TUBA1A: variants seen among roughly 807,000 people sequenced by gnomAD.
TUBA1A encodes tubulin alpha-1A chain.
In TUBA1A, 7 loss-of-function variants were observed where a neutral mutation model predicts 34.6. The ratio of observed to expected loss-of-function variants is 0.20; its 90% CI spans 0.11 to 0.38. TUBA1A has a LOEUF of 0.38. Ranked by LOEUF, TUBA1A falls within the 10% of genes least tolerant of loss-of-function variation. The pLI is 1.00. For synonymous variants in TUBA1A, 193 were observed against 210.2 expected (o/e 0.92, Z 0.71); for missense variants, 19 against 581.3 (o/e 0.03, Z 9.95).
At position 49,188,829 on chromosome 12, in the gene TUBA1A, G is replaced by C; in HGVS notation, c.3+148C>G. 4 of 1,603,086 alleles carry C rather than the reference G, an allele frequency of 2.5e-6. No individual in the cohort carries two copies. The South Asian group carries it at 3.3e-5, about 13-fold the overall frequency. On this transcript the variant is annotated intron_variant, in intron 1 of 3. Coordinates refer to ENST00000301071, the MANE Select transcript of TUBA1A (RefSeq NM_006009.4). This position sits in a 1 kb window ranked among gnomAD's most constrained non-coding sequence, Gnocchi z 4.9. The stretch of plus-strand genomic sequence containing the variant: ...GCACTGCGGCGGCGGCGGGGCTTGA[G>C]GATTTGGGGCTAAGCTAAACCTCAC...
chr12:49,187,907 C>T (rs1055011231), intron 1 of TUBA1A: 1 of 24,270 alleles, frequency 4.1e-5, no homozygotes, highest in East Asian at 3.9e-3. Flanking sequence ...GTGGTGGGGG[C>T]GGGGCGGGGG....
Position 49,185,041 on chromosome 12 carries a change from C to T in TUBA1A, c.1325G>A (p.Gly442Glu). 1.9e-6 allele frequency: 3 copies of T among 1,614,224 alleles called. No homozygotes were observed. Among genetic ancestry groups the T allele is most frequent in the Non-Finnish European group, 2.5e-6 (3 of 1,180,040 alleles). ...TTCCTCTCCTTCTTCCTCACCCTCT[C>T]CTTCAACAGAATCCACACCAACCTC... ...YEEVGVDSVEGEGEEEGEEY is the reference protein window; with the variant it reads ...YEEVGVDSVEEEGEEEGEEY The change falls in exon 4 of 4, where the codon GGA becomes GAA. Residue 442 changes from glycine (G) to glutamate (E), a missense_variant. Gly to Glu is a moderately conservative substitution (Grantham distance 98, BLOSUM62 -2). Transcript: ENST00000301071.
chr12:49,188,393 C>G lies in TUBA1A; in HGVS notation c.3+584G>C. 1 of 1,535,816 alleles carries G rather than the reference C, an allele frequency of 6.5e-7. No individual in the cohort carries two copies. Among genetic ancestry groups the G allele is most frequent in the African/African-American group, 1.4e-5 (1 of 73,116 alleles). On this transcript the variant is annotated intron_variant, in intron 1 of 3. Coordinates refer to ENST00000301071, the MANE Select transcript of TUBA1A (RefSeq NM_006009.4). The surrounding 1 kb of genome is among the most constrained non-coding windows in gnomAD (Gnocchi z 4.9). ...CCCTGCGCCGCCCTGACACCCGCTGCCGGGGGCTCCGGCAGAAACTCACCA... is the reference window on the plus strand; with the variant it reads ...CCCTGCGCCGCCCTGACACCCGCTGGCGGGGGCTCCGGCAGAAACTCACCA...
chr12:49,187,468 C>T (rs992825524), intron 1 of TUBA1A: 2 of 986,322 alleles, frequency 2.0e-6, no homozygotes, highest in African/African-American at 3.5e-5. Flanking sequence ...TGCTGTTTTG[C>T]CAGTTTTCCT....
chr12:49,188,843 G>A lies in TUBA1A; in HGVS notation c.3+134C>T. 6.2e-7 allele frequency: 1 copy of A among 1,607,314 alleles called. No homozygotes were observed. Among genetic ancestry groups the A allele is most frequent in the Non-Finnish European group, 8.5e-7 (1 of 1,179,754 alleles). On this transcript the variant is annotated intron_variant, in intron 1 of 3. Coordinates refer to ENST00000301071, the MANE Select transcript of TUBA1A (RefSeq NM_006009.4). The surrounding 1 kb of genome is among the most constrained non-coding windows in gnomAD (Gnocchi z 4.9). ...GCGGGGCTTGAGGATTTGGGGCTAA[G>A]CTAAACCTCACAAAACATACCACCA...
At position 49,185,910 on chromosome 12, in the gene TUBA1A, C is replaced by G. The variant is rs1942174428; in HGVS notation, c.456G>C (p.Leu152=). 1 of 1,613,946 alleles carries G rather than the reference C, an allele frequency of 6.2e-7. No homozygotes were observed. The highest frequency in any genetic ancestry group is 1.1e-5 in the South Asian group (1 of 91,074). ...AATCAACTGAGAGACGTTCCATGAG[C>G]AGCGAGGTGAACCCAGAACCAGTTC... ...GGGTGSGFTS[L]LMERLSVDYG... The change falls in exon 4 of 4, where the codon CTG becomes CTC. Residue 152 remains leucine (L), a synonymous_variant. Coordinates refer to ENST00000301071, the MANE Select transcript of TUBA1A (RefSeq NM_006009.4).
Position 49,185,376 on chromosome 12 carries a change from A to G in TUBA1A, c.990T>C (p.Ala330=), listed in dbSNP as rs774821065. 1.2e-6 allele frequency: 2 copies of G among 1,614,098 alleles called. No individual in the cohort carries two copies. Among genetic ancestry groups the G allele is most frequent in the Admixed American group, 3.3e-5 (2 of 59,996 alleles). ...GCTTGGTCTTGATGGTGGCAATGGC[A>G]GCATTGACATCTTTGGGAACCACGT... The part of the protein sequence containing the change: ...RGDVVPKDVN[A]AIATIKTKRT... Residue 330 remains alanine, a synonymous_variant, in exon 4 of 4, where the codon GCT becomes GCC. Coordinates refer to ENST00000301071, the MANE Select transcript of TUBA1A (RefSeq NM_006009.4).
rs1248887879 is a variant in TUBA1A, at chr12:49,188,431, A to G, written c.3+546T>C. ...CAGAAACTCACCATGTTTTCCCGGG[A>G]ATGTGTGGGTATCTTTCCAAAACGC... On this transcript the variant is annotated intron_variant, in intron 1 of 3. Transcript: ENST00000301071. This position sits in a 1 kb window ranked among gnomAD's most constrained non-coding sequence, Gnocchi z 4.9. 6.5e-7 allele frequency: 1 copy of G among 1,535,752 alleles called. No homozygotes were observed. The highest frequency in any genetic ancestry group is 1.4e-5 in the African/African-American group (1 of 73,094).
At position 49,188,499 on chromosome 12, in the gene TUBA1A, C is replaced by T. The variant is rs772222238; in HGVS notation, c.3+478G>A. 5.6e-4 allele frequency: 856 copies of T among 1,527,110 alleles called. 1 individual carries two copies. Among genetic ancestry groups the T allele is most frequent in the Middle Eastern group, 1.6e-3 (9 of 5,786 alleles). The allele number at this position is 1,527,110 out of a possible 1,614,324, so 94.6% of individuals were successfully genotyped here. A position where few individuals can be genotyped will look rare whatever the true frequency, so the allele number is the denominator to read the frequency against. The stretch of plus-strand genomic sequence containing the variant: ...CTTCCCACGCTAACCCTAGGCTGCG[C>T]TTTGTTCCCGTTCCCCCTCCCACGT... On this transcript the variant is annotated intron_variant, in intron 1 of 3. Coordinates refer to ENST00000301071, the MANE Select transcript of TUBA1A (RefSeq NM_006009.4). The surrounding 1 kb of genome is among the most constrained non-coding windows in gnomAD (Gnocchi z 4.9).
chr12:49,188,617 C>T lies in TUBA1A; in HGVS notation c.3+360G>A. ...CGCGAGACAGAAAGTGGCCCCTCAG[C>T]ATCAGCGAAACCGTGCGCACAGACA... On this transcript the variant is annotated intron_variant, in intron 1 of 3. Transcript: ENST00000301071. This position sits in a 1 kb window ranked among gnomAD's most constrained non-coding sequence, Gnocchi z 4.9. 1.4e-6 allele frequency: 2 copies of T among 1,443,414 alleles called. No individual in the cohort carries two copies. The highest frequency in any genetic ancestry group is 9.1e-7 in the Non-Finnish European group (1 of 1,102,328). The allele number at this position is 1,443,414 out of a possible 1,614,324, so 89.4% of individuals were successfully genotyped here. A position where few individuals can be genotyped will look rare whatever the true frequency, so the allele number is the denominator to read the frequency against.
chr12:49,187,392 T>A, intron 1 of TUBA1A: 1 of 998,656 alleles, frequency 1.0e-6, no homozygotes, highest in Non-Finnish European at 1.2e-6. Flanking sequence ...TGCTAGCCTG[T>A]ACTGTCTGCT....
At chr12:49,187,845 T>C (rs963819473) in intron 1 of TUBA1A, 1 of 982,914 alleles carries the variant, frequency 1.0e-6, no homozygotes, top group Non-Finnish European at 1.2e-6. Context: ...CCAATAGAGG[T>C]TTTCTTCTCT....
chr12:49,187,682 A>C, intron 1 of TUBA1A: 1 of 984,594 alleles, frequency 1.0e-6, no homozygotes, highest in Middle Eastern at 5.2e-4. Context: ...ACACACACAC[A>C]AAAGTTCCTA....
In TUBA1A at chr12:49,186,310, C is replaced by T. The variant is rs755889624; in HGVS notation, c.375G>A (p.Leu125=). The change falls in exon 3 of 4, where the codon CTG becomes CTA. Residue 125 remains leucine (L), a splice_region_variant and synonymous_variant. Coordinates refer to ENST00000301071, the MANE Select transcript of TUBA1A (RefSeq NM_006009.4). This position sits in a 1 kb window ranked among gnomAD's most constrained non-coding sequence, Gnocchi z 6.6. ...IDLVLDRIRK[L]ADQCTGLQGF... is the part of the protein sequence containing the mutation. ...ACTTTATTCTTGAAAAGAAACATAC[C>T]AGCTTGCGAATTCGGTCCAACACGA... 6.2e-7 allele frequency: 1 copy of T among 1,613,064 alleles called. No individual in the cohort carries two copies. The highest frequency in any genetic ancestry group is 2.2e-5 in the East Asian group (1 of 44,888).
Position 49,186,177 on chromosome 12 carries a change from A to G in TUBA1A, c.375+133T>C, listed in dbSNP as rs931267503. 6.4e-7 allele frequency: 1 copy of G among 1,574,726 alleles called. No individual in the cohort carries two copies. Among genetic ancestry groups the G allele is most frequent in the African/African-American group, 1.4e-5 (1 of 73,084 alleles). On this transcript the variant is annotated intron_variant, in intron 3 of 3. Transcript: ENST00000301071. This position sits in a 1 kb window ranked among gnomAD's most constrained non-coding sequence, Gnocchi z 6.6. ...AATAGTTCATTTTAACTGAATTTTA[A>G]AAACCCCAAAAGAATGACTCATTCC...
rs766250512 is a variant in TUBA1A, at chr12:49,189,020, AGAG to A, written c.-44_-42del. 3.1e-6 allele frequency: 5 copies of A among 1,613,854 alleles called. No individual in the cohort carries two copies. In the Admixed American group the frequency reaches 8.3e-5, roughly 27 times the overall value. On this transcript the variant is annotated 5_prime_UTR_variant, in exon 1 of 4. Transcript: ENST00000301071. Reference sequence around the variant, plus strand: ...ACTGCCGAGCTGATGGCGGAGACGAAGAGGAGAGGTTGTTGCTTCTTACAGCGC... The same window carrying A: ...ACTGCCGAGCTGATGGCGGAGACGAAGAGAGGTTGTTGCTTCTTACAGCGC...
At position 49,186,248 on chromosome 12, in the gene TUBA1A, G is replaced by C; in HGVS notation, c.375+62C>G. ...TTCAATTCTGTGTTTGAAAAAAAAAGCATTATTTCAAATGTGTTCTTTAGG... is the reference window on the plus strand; with the variant it reads ...TTCAATTCTGTGTTTGAAAAAAAAACCATTATTTCAAATGTGTTCTTTAGG... On this transcript the variant is annotated intron_variant, in intron 3 of 3. Transcript: ENST00000301071. The surrounding 1 kb of genome is among the most constrained non-coding windows in gnomAD (Gnocchi z 6.6). 1 of 1,611,120 alleles carries C rather than the reference G, an allele frequency of 6.2e-7. No homozygotes were observed. Among genetic ancestry groups the C allele is most frequent in the South Asian group, 1.1e-5 (1 of 90,954 alleles).
Position 49,188,737 on chromosome 12 carries a change from G to A in TUBA1A, c.3+240C>T, listed in dbSNP as rs1456445768. 4.8e-6 allele frequency: 7 copies of A among 1,460,506 alleles called. No homozygotes were observed. The highest frequency in any genetic ancestry group is 4.2e-5 in the South Asian group (3 of 71,326). 90.5% of individuals were successfully genotyped at this position (1,460,506 alleles called of 1,614,324 possible). A position where few individuals can be genotyped will look rare whatever the true frequency, so the allele number is the denominator to read the frequency against. ...TCTCGGATAACACAGGCGCCTAGGCGCCGCCTTTGTTCCTCCCCAGCGCTC... is the reference window on the plus strand; with the variant it reads ...TCTCGGATAACACAGGCGCCTAGGCACCGCCTTTGTTCCTCCCCAGCGCTC... On this transcript the variant is annotated intron_variant, in intron 1 of 3. Transcript: ENST00000301071. The surrounding 1 kb of genome is among the most constrained non-coding windows in gnomAD (Gnocchi z 4.9).
At position 49,189,009 on chromosome 12, in the gene TUBA1A, G is replaced by A. The variant is rs775124314; in HGVS notation, c.-30C>T. The A allele has an allele frequency of 2.5e-6, 4 of 1,613,932 alleles. No homozygotes were observed. Among genetic ancestry groups the A allele is most frequent in the South Asian group, 2.2e-5 (2 of 91,088 alleles). On this transcript the variant is annotated 5_prime_UTR_variant, in exon 1 of 4. Transcript: ENST00000301071. ...GCTGCTTCGCGACTGCCGAGCTGAT[G>A]GCGGAGACGAAGAGGAGAGGTTGTT...
Sources: gnomAD v4.1 joint callset for allele counts on GRCh38, gnomAD v4.1.1 for gene constraint, Gnocchi (gnomAD v3.1) non-coding constraint, MANE v1.5 for transcripts, NCBI Gene and HGNC (gene_info 2026-07-23, HGNC 2026-07-21) for gene names.